FOXH1: variants seen among roughly 807,000 people sequenced by gnomAD.
The protein encoded by FOXH1 is forkhead box H1.
Under a neutral mutation model 14.2 loss-of-function variants are expected in FOXH1, and 10 were observed. The ratio of observed to expected loss-of-function variants is 0.70; its 90% CI spans 0.43 to 1.19. The LOEUF (loss-of-function observed/expected upper bound fraction) is 1.19. Among genes scored for constraint, FOXH1 ranks in the 50% most tolerant of loss-of-function variants. FOXH1 has a pLI of 0.00. For synonymous variants in FOXH1, 273 were observed against 209.5 expected, an observed-to-expected ratio of 1.30 and a Z score of -2.62; for missense variants, 643 against 492.1, an observed-to-expected ratio of 1.31 and a Z score of -2.90.
chr8:144,475,394 C>G, intron 1 of FOXH1, 133 bp from the exon 2 acceptor site: 1 of 944,760 alleles, frequency 1.1e-6, no homozygotes, highest in Non-Finnish European at 1.6e-6. Context: ...GACATTTCTG[C>G]GCGGAAGCGC....
Position 144,475,809 on chromosome 8 carries a change from C to T in FOXH1, c.-53G>A, listed in dbSNP as rs1232940437. 44 of 1,052,192 alleles carry T rather than the reference C, an allele frequency of 4.2e-5. No individual in the cohort carries two copies. The highest frequency in any genetic ancestry group is 4.9e-5 in the Non-Finnish European group (42 of 855,416). The allele number at this position is 1,052,192 out of a possible 1,614,324, so 65.2% of individuals were successfully genotyped here. On this transcript the variant is annotated 5_prime_UTR_variant, in exon 1 of 3. Transcript: ENST00000377317. ...GCCTGGCCGGGTGGAGGGTGCAGGG[C>T]GGTGGGGCAGTGTAGAAGGCAGGGC...
Position 144,473,965 on chromosome 8 carries a change from G to A in FOXH1, c.*273C>T, listed in dbSNP as rs1024964399. ...TGGATGGGTAGTGGGCTGAGAAGAGGGGACTAGGAAGGGCTATTCCAGGCT... is the reference window on the plus strand; with the variant it reads ...TGGATGGGTAGTGGGCTGAGAAGAGAGGACTAGGAAGGGCTATTCCAGGCT... On this transcript the variant is annotated 3_prime_UTR_variant, in exon 3 of 3. Transcript: ENST00000377317. The A allele has an allele frequency of 5.8e-6, 3 of 517,248 alleles. No homozygotes were observed. Among genetic ancestry groups the A allele is most frequent in the Non-Finnish European group, 1.0e-5 (3 of 292,402 alleles). The allele number at this position is 517,248 out of a possible 1,614,324, so 32.0% of individuals were successfully genotyped here. A position where few individuals can be genotyped will look rare whatever the true frequency, so the allele number is the denominator to read the frequency against.
Position 144,473,567 on chromosome 8 carries a change from T to A in FOXH1, c.*671A>T. The A allele has an allele frequency of 1.0e-6, 1 of 976,468 alleles. No individual in the cohort carries two copies. The highest frequency in any genetic ancestry group is 1.4e-6 in the Non-Finnish European group (1 of 696,964). 60.5% of individuals were successfully genotyped at this position (976,468 alleles called of 1,614,324 possible). On this transcript the variant is annotated 3_prime_UTR_variant, in exon 3 of 3. Coordinates refer to ENST00000377317, the MANE Select transcript of FOXH1 (RefSeq NM_003923.3). Reference sequence around the variant, plus strand: ...CGCAGCCAGTGAAGTGTGTTGTGCCTGCTGAAGTGATCACCCCCCGCCCCC... The same window carrying A: ...CGCAGCCAGTGAAGTGTGTTGTGCCAGCTGAAGTGATCACCCCCCGCCCCC...
chr8:144,474,766 G>A lies in FOXH1; in HGVS notation c.570C>T (p.Ser190=). The A allele has an allele frequency of 1.3e-6, 2 of 1,590,914 alleles. No individual in the cohort carries two copies. Among genetic ancestry groups the A allele is most frequent in the Non-Finnish European group, 1.7e-6 (2 of 1,167,598 alleles). Residue 190 remains serine, a synonymous_variant, in exon 3 of 3, where the codon AGC becomes AGT. Transcript: ENST00000377317. ...APWPGLAPQS[S]PVPAGTGNSG... is the part of the protein sequence containing the mutation. The stretch of plus-strand genomic sequence containing the variant: ...TGTTCCCTGTGCCTGCAGGAACTGG[G>A]CTGCTCTGTGGAGCTAGCCCCGGCC...
chr8:144,474,959 G>T lies in FOXH1; in HGVS notation c.377C>A (p.Ala126Asp). ...TCCGTTCTGCCAGCGCCGGCACAGG[G>T]CGGTGTTCTGCAGCCGGAGCGCCTC... ...PAEALRLQNT[A>D]LCRRWQNGGA... The change falls in exon 3 of 3, where the codon GCC (alanine) becomes GAC (aspartate). Residue 126 changes from alanine (A) to aspartate (D), a missense_variant. Transcript: ENST00000377317. 6.2e-7 allele frequency: 1 copy of T among 1,607,730 alleles called. No homozygotes were observed.
chr8:144,475,611 GC>G lies in FOXH1; in HGVS notation c.145del (p.Ala49LeufsTer6). On this transcript the variant is annotated frameshift_variant, in exon 1 of 3. Coordinates refer to ENST00000377317, the MANE Select transcript of FOXH1 (RefSeq NM_003923.3). LOFTEE classifies it high-confidence loss of function. ...LAMIALVIQA[A>X]PSRRLKLAQI... The stretch of plus-strand genomic sequence containing the variant: ...GGCCAGCTTCAGTCTGCGGGAGGGA[GC>G]GGCCTGAATCACCAAGGCGATCATG... 6.9e-7 allele frequency: 1 copy of G among 1,445,822 alleles called. No individual in the cohort carries two copies. Among genetic ancestry groups the G allele is most frequent in the Non-Finnish European group, 9.1e-7 (1 of 1,096,360 alleles). The allele number at this position is 1,445,822 out of a possible 1,614,324, so 89.6% of individuals were successfully genotyped here.
In FOXH1 at chr8:144,475,211, C is replaced by T. The variant is rs774260909; in HGVS notation, c.225G>A (p.Glu75=). ...AVFPFFREDY[E]GWKDSIRHNL... is the part of the protein sequence containing the mutation. Reference sequence around the variant, plus strand: ...TGTGGCGAATGGAGTCTTTCCAGCCCTCGTAGTCTTCCCTGAAGAAGGGGA... The same window carrying T: ...TGTGGCGAATGGAGTCTTTCCAGCCTTCGTAGTCTTCCCTGAAGAAGGGGA... Residue 75 remains glutamate, a synonymous_variant, in exon 2 of 3, where the codon GAG becomes GAA. Coordinates refer to ENST00000377317, the MANE Select transcript of FOXH1 (RefSeq NM_003923.3). 2.5e-6 allele frequency: 4 copies of T among 1,613,638 alleles called. No individual in the cohort carries two copies. Among genetic ancestry groups the T allele is most frequent in the Non-Finnish European group, 3.4e-6 (4 of 1,179,898 alleles).
chr8:144,474,918 AG>A lies in FOXH1; in HGVS notation c.417del (p.Phe140SerfsTer34). On this transcript the variant is annotated frameshift_variant, in exon 3 of 3. Transcript: ENST00000377317. LOFTEE classifies it low-confidence loss of function (END_TRUNC). ...RRWQNGGARGAFAKDLGPYVL... is the reference protein window; with the variant it reads ...RRWQNGGARGXFAKDLGPYVL... Reference sequence around the variant, plus strand: ...ACGTAGGGGCCCAGGTCCTTGGCGAAGGCTCCACGCGCACCTCCGTTCTGCC... The same window carrying A: ...ACGTAGGGGCCCAGGTCCTTGGCGAAGCTCCACGCGCACCTCCGTTCTGCC... 1 of 1,609,098 alleles carries A rather than the reference AG, an allele frequency of 6.2e-7. No homozygotes were observed. The highest frequency in any genetic ancestry group is 8.5e-7 in the Non-Finnish European group (1 of 1,179,394).
At chr8:144,475,096 T>C in intron 2 of FOXH1, 40 bp from the exon 3 acceptor site, 1 of 1,602,890 alleles carries the variant, frequency 6.2e-7, no homozygotes. Flanking sequence ...CTGCCCAACC[T>C]TGGATGCTCA....
chr8:144,475,321 T>G, intron 1 of FOXH1, 60 bp from the exon 2 acceptor site: 1 of 1,364,012 alleles, frequency 7.3e-7, no homozygotes, highest in Non-Finnish European at 1.0e-6. Context: ...GGTAGCGCCC[T>G]ACCCCTCCCC....
chr8:144,473,463 A>G lies in FOXH1; in HGVS notation c.*775T>C. 6.8e-7 allele frequency: 1 copy of G among 1,473,270 alleles called. No individual in the cohort carries two copies. Among genetic ancestry groups the G allele is most frequent in the Non-Finnish European group, 9.0e-7 (1 of 1,114,956 alleles). 91.3% of individuals were successfully genotyped at this position (1,473,270 alleles called of 1,614,324 possible). On this transcript the variant is annotated 3_prime_UTR_variant, in exon 3 of 3. Transcript: ENST00000377317. ...GCAGAGGCGGTAGTAAAGTCCCTGT[A>G]CCCCGTCTCCCAGGGCACAAGCTCC...
chr8:144,475,577 G>A lies in FOXH1; in HGVS notation c.174+6C>T. On this transcript the variant is annotated splice_donor_region_variant and intron_variant, in intron 1 of 2. Coordinates refer to ENST00000377317, the MANE Select transcript of FOXH1 (RefSeq NM_003923.3). ...AAAGAGAGAGTGGGGGCCGGGGCCC[G>A]CTCACCTGGGCCAGCTTCAGTCTGC... The A allele has an allele frequency of 2.1e-6, 3 of 1,448,474 alleles. No homozygotes were observed. Among genetic ancestry groups the A allele is most frequent in the Non-Finnish European group, 2.7e-6 (3 of 1,097,442 alleles). 89.7% of individuals were successfully genotyped at this position (1,448,474 alleles called of 1,614,324 possible).
chr8:144,473,630 A>C lies in FOXH1; in HGVS notation c.*608T>G. 3.8e-6 allele frequency: 2 copies of C among 522,972 alleles called. No homozygotes were observed. Among genetic ancestry groups the C allele is most frequent in the Non-Finnish European group, 6.2e-6 (2 of 320,568 alleles). The allele number at this position is 522,972 out of a possible 1,614,324, so 32.4% of individuals were successfully genotyped here. On this transcript the variant is annotated 3_prime_UTR_variant, in exon 3 of 3. Coordinates refer to ENST00000377317, the MANE Select transcript of FOXH1 (RefSeq NM_003923.3). ...GGCCACAGGTCTTGGCTTTCTCCTTATCACCATTTGCTGTTATCACGGCAC... is the reference window on the plus strand; with the variant it reads ...GGCCACAGGTCTTGGCTTTCTCCTTCTCACCATTTGCTGTTATCACGGCAC...
Position 144,473,569 on chromosome 8 carries a change from C to G in FOXH1, c.*669G>C, listed in dbSNP as rs1480081483. Reference sequence around the variant, plus strand: ...CAGCCAGTGAAGTGTGTTGTGCCTGCTGAAGTGATCACCCCCCGCCCCCAG... The same window carrying G: ...CAGCCAGTGAAGTGTGTTGTGCCTGGTGAAGTGATCACCCCCCGCCCCCAG... On this transcript the variant is annotated 3_prime_UTR_variant, in exon 3 of 3. Coordinates refer to ENST00000377317, the MANE Select transcript of FOXH1 (RefSeq NM_003923.3). The G allele has an allele frequency of 3.2e-6, 3 of 933,560 alleles. No homozygotes were observed. The African/African-American group carries it at 5.2e-5, about 16-fold the overall frequency. The allele number at this position is 933,560 out of a possible 1,614,324, so 57.8% of individuals were successfully genotyped here.
rs950051571 is a variant in FOXH1, at chr8:144,473,543, G to A, written c.*695C>T. ...CTCCCAGAGTCACCCCTCCACCTCC[G>A]CAGCCAGTGAAGTGTGTTGTGCCTG... On this transcript the variant is annotated 3_prime_UTR_variant, in exon 3 of 3. Coordinates refer to ENST00000377317, the MANE Select transcript of FOXH1 (RefSeq NM_003923.3). The A allele has an allele frequency of 5.3e-5, 64 of 1,200,418 alleles. No individual in the cohort carries two copies. The highest frequency in any genetic ancestry group is 6.9e-5 in the Non-Finnish European group (62 of 894,884). The allele number at this position is 1,200,418 out of a possible 1,614,324, so 74.4% of individuals were successfully genotyped here.
At chr8:144,475,115 G>A (rs760587174) in intron 2 of FOXH1, 42 bp downstream of exon 2, 2 of 1,606,158 alleles carry the variant, frequency 1.2e-6, no homozygotes, top group East Asian at 2.2e-5. Context: ...CAGGACTTCC[G>A]CGCGCGCTCC....
Position 144,474,333 on chromosome 8 carries a change from G to T in FOXH1, c.1003C>A (p.Pro335Thr). 6.2e-7 allele frequency: 1 copy of T among 1,612,790 alleles called. No individual in the cohort carries two copies. Among genetic ancestry groups the T allele is most frequent in the Non-Finnish European group, 8.5e-7 (1 of 1,179,836 alleles). The change falls in exon 3 of 3, where the codon CCA (proline) becomes ACA (threonine). Residue 335 changes from proline to threonine, a missense_variant. Pro to Thr is a conservative substitution (Grantham distance 38). Transcript: ENST00000377317. ...ACGTCGTAGATGCTTTTGTTGGGTG[G>T]CACCCCTTGGAAGAGGGCGTCTAGA... ...CDLDALFQGVPPNKSIYDVWV... is the reference protein window; with the variant it reads ...CDLDALFQGVTPNKSIYDVWV...
rs1420823777 is a variant in FOXH1 at position 144,473,762 on chromosome 8, C to T, written c.*476G>A. 2.3e-5 allele frequency: 9 copies of T among 389,108 alleles called. No homozygotes were observed. The highest frequency in any genetic ancestry group is 5.3e-5 in the South Asian group (1 of 18,766). 24.1% of individuals were successfully genotyped at this position (389,108 alleles called of 1,614,324 possible). ...ACGTTGCAAATTCCTTTACTGTTATCCCCCCCACCACCAGGACCATGTAGG... is the reference window on the plus strand; with the variant it reads ...ACGTTGCAAATTCCTTTACTGTTATTCCCCCCACCACCAGGACCATGTAGG... On this transcript the variant is annotated 3_prime_UTR_variant, in exon 3 of 3. Coordinates refer to ENST00000377317, the MANE Select transcript of FOXH1 (RefSeq NM_003923.3).
chr8:144,473,710 G>A lies in FOXH1; in HGVS notation c.*528C>T. The A allele has an allele frequency of 4.2e-6, 2 of 471,146 alleles. No homozygotes were observed. The highest frequency in any genetic ancestry group is 7.4e-6 in the Non-Finnish European group (2 of 269,890). 29.2% of individuals were successfully genotyped at this position (471,146 alleles called of 1,614,324 possible). ...AGTGGTTACCCAAGTCACCACTCCT[G>A]ACCCAAAAATCAGGCATGGCATTAA... On this transcript the variant is annotated 3_prime_UTR_variant, in exon 3 of 3. Coordinates refer to ENST00000377317, the MANE Select transcript of FOXH1 (RefSeq NM_003923.3).
Sources: allele counts gnomAD v4.1 joint callset, GRCh38; gene constraint gnomAD v4.1.1; transcripts MANE v1.5; gene names NCBI Gene and HGNC (gene_info 2026-07-23, HGNC 2026-07-21).